The following CACNA2D1 variants were observed in gnomAD, a reference collection of about 807,000 sequenced individuals.
The protein encoded by CACNA2D1 is calcium voltage-gated channel auxiliary subunit alpha2delta 1.
In CACNA2D1, 53 loss-of-function variants were observed where a neutral mutation model predicts 171.5. The ratio of observed to expected loss-of-function variants is 0.31; its 90% confidence interval spans 0.25 to 0.39. The LOEUF (loss-of-function observed/expected upper bound fraction) is 0.39, where lower values mean the gene tolerates loss of function less well. Among genes scored for constraint, CACNA2D1 ranks in the 10% least tolerant of loss-of-function variants. CACNA2D1 has a pLI of 1.00. For synonymous variants in CACNA2D1, 442 were observed against 443.1 expected, an observed-to-expected ratio of 1.00 and a Z score of 0.03; for missense variants, 903 against 1,299.8, an observed-to-expected ratio of 0.69 and a Z score of 4.69.
intron 1 of CACNA2D1, among the ~76,000 whole-genome samples, chr7:82,412,645 T>TAACA (rs2129455550): frequency 6.6e-6 from 1 of 152,022 alleles, no homozygotes; most frequent in African/African-American, 2.4e-5. Flanking sequence ...TGGAAATCAT[T>TAACA]TGTTAGTCTC....
rs1798865194 is a variant in CACNA2D1, at chr7:82,003,891, A to G, written c.1590+1532T>C. Among the ~76,000 whole-genome samples the G allele has an allele frequency of 2.0e-5, 3 of 151,880 alleles. No homozygotes were observed. In the South Asian group the frequency reaches 6.2e-4, roughly 31 times the overall value. ...CTCCCAAATAGCTGGGATTATAGGC[A>G]TGTGCCACCACACCCGGCTAATTTT... On this transcript the variant is annotated intron_variant, in intron 18 of 38. Transcript: ENST00000356860.
At chr7:81,957,241 T>A (rs943144467) in intron 38 of CACNA2D1, among the ~76,000 whole-genome samples, 3 of 152,242 alleles carry the variant, frequency 2.0e-5, no homozygotes, top group African/African-American at 7.2e-5. Flanking sequence ...AAAAACTTTA[T>A]GAAAAATGAT....
At chr7:82,065,666 A>G (rs1807510769) in intron 8 of CACNA2D1, among the ~76,000 whole-genome samples, 1 of 152,208 alleles carries the variant, frequency 6.6e-6, no homozygotes, top group Non-Finnish European at 1.5e-5. Context: ...AGCCTAGAAA[A>G]AAGTTAGAAA....
chr7:82,130,791 C>CTTTTTTTTTTTTTTTTTTTTTTT (rs71093363), intron 5 of CACNA2D1, among the ~76,000 whole-genome samples: 1 of 105,846 alleles, frequency 9.4e-6, no homozygotes, highest in Non-Finnish European at 1.8e-5. Flanking sequence ...TTGTTTTTGT[C>CTTTTTTTTTTTTTTTTTTTTTTT]TTTTTTTTTT....
chr7:82,100,945 A>G (rs926429445), intron 6 of CACNA2D1, among the ~76,000 whole-genome samples: 1 of 152,092 alleles, frequency 6.6e-6, no homozygotes, highest in African/African-American at 2.4e-5. Flanking sequence ...TTTTGTGGAT[A>G]AACTCTTTGA....
At chr7:82,172,559 C>G (rs148252423) in intron 3 of CACNA2D1, among the ~76,000 whole-genome samples, 1,725 of 150,510 alleles carry the variant, frequency 0.011, 38 homozygotes, top group African/African-American at 0.04. Context: ...CTCAAGTGAT[C>G]CTCCCACTTC....
intron 5 of CACNA2D1, among the ~76,000 whole-genome samples, chr7:82,132,348 C>T (rs752476679): frequency 3.9e-5 from 6 of 152,180 alleles, no homozygotes; most frequent in Non-Finnish European, 1.5e-5. Flanking sequence ...CAATTACTAT[C>T]CCTTCTCTCT....
At chr7:82,113,592 C>T (rs1468988775) in intron 6 of CACNA2D1, among the ~76,000 whole-genome samples, 3 of 152,062 alleles carry the variant, frequency 2.0e-5, no homozygotes, top group Non-Finnish European at 2.9e-5. Context: ...GAAATTAGAA[C>T]ACGAGGTTTC....
At chr7:82,320,572 T>C (rs1815680745) in intron 3 of CACNA2D1, among the ~76,000 whole-genome samples, 1 of 139,962 alleles carries the variant, frequency 7.1e-6, no homozygotes, top group African/African-American at 2.6e-5. Flanking sequence ...CCACCACACT[T>C]GGCTAATTTT....
intron 36 of CACNA2D1, among the ~76,000 whole-genome samples, chr7:81,961,651 A>G (rs1450006096): frequency 6.6e-6 from 1 of 151,970 alleles, no homozygotes. Flanking sequence ...TGTAATTATT[A>G]TAGTTGAAGA....
intron 27 of CACNA2D1, 135 bp from the exon 28 acceptor site, chr7:81,970,119 C>T: frequency 1.5e-6 from 1 of 684,878 alleles, no homozygotes; most frequent in South Asian, 1.5e-5. Flanking sequence ...TAATTGATAG[C>T]ATAACTGATA....
At chr7:82,252,146 G>C (rs1805721198) in intron 3 of CACNA2D1, among the ~76,000 whole-genome samples, 1 of 152,056 alleles carries the variant, frequency 6.6e-6, no homozygotes, top group African/African-American at 2.4e-5. Flanking sequence ...TTTGCAAGGG[G>C]CAAAATAGAA....
chr7:82,035,095 A>C (rs1463759147), intron 11 of CACNA2D1, among the ~76,000 whole-genome samples: 1 of 152,106 alleles, frequency 6.6e-6, no homozygotes, highest in Non-Finnish European at 1.5e-5. Flanking sequence ...TAAAATTACA[A>C]TTAGTAGAGT....
chr7:82,203,139 G>A (rs1585088496), intron 3 of CACNA2D1, among the ~76,000 whole-genome samples: 1 of 152,096 alleles, frequency 6.6e-6, no homozygotes. Flanking sequence ...TGAAGTGCCC[G>A]GCTTGCAGGG....
At chr7:82,375,377 C>T (rs1473460810) in intron 1 of CACNA2D1, among the ~76,000 whole-genome samples, 2 of 152,154 alleles carry the variant, frequency 1.3e-5, no homozygotes, top group Non-Finnish European at 2.9e-5. Flanking sequence ...GATTTCCCAG[C>T]CACATCACCA....
chr7:82,050,030 T>C (rs548930346), intron 10 of CACNA2D1, among the ~76,000 whole-genome samples: 3 of 152,218 alleles, frequency 2.0e-5, no homozygotes, highest in Non-Finnish European at 4.4e-5. Context: ...CTCATTTTCA[T>C]AGGCTGAGTA....
At chr7:82,120,794 G>A (rs1789642264) in intron 5 of CACNA2D1, among the ~76,000 whole-genome samples, 1 of 146,612 alleles carries the variant, frequency 6.8e-6, no homozygotes, top group Non-Finnish European at 1.5e-5. Flanking sequence ...AGAATCACTT[G>A]AACCTGGGAG....
chr7:82,148,413 G>A (rs549363181), intron 4 of CACNA2D1, among the ~76,000 whole-genome samples: 9 of 152,058 alleles, frequency 5.9e-5, no homozygotes, highest in African/African-American at 7.2e-5. Flanking sequence ...AAGAAAAGCT[G>A]AAGGAGAGAG....
chr7:82,236,742 T>A (rs1205331225), intron 3 of CACNA2D1, among the ~76,000 whole-genome samples: 4 of 152,036 alleles, frequency 2.6e-5, no homozygotes, highest in African/African-American at 7.2e-5. Flanking sequence ...TAACTTGATA[T>A]AACAAAAGTA....
Sources: gnomAD v4.1 joint callset for allele counts (sites outside exome capture counted in the v4.1 genomes callset) on GRCh38, gnomAD v4.1.1 for gene constraint, MANE v1.5 for transcripts, NCBI Gene and HGNC (gene_info 2026-07-23, HGNC 2026-07-21) for gene names.